NEK9: variants seen among roughly 807,000 people sequenced by gnomAD.
The protein encoded by NEK9 is serine/threonine-protein kinase Nek9.
NEK9 carries 75 observed loss-of-function variants against 123.4 expected under a neutral mutation model. That is an observed-to-expected ratio of 0.61 (90% CI 0.50 to 0.74). The LOEUF (loss-of-function observed/expected upper bound fraction) is 0.74. Ranked by LOEUF, NEK9 falls within the 30% of genes least tolerant of loss-of-function variation. NEK9 has a pLI of 0.00. For synonymous variants in NEK9, 438 were observed against 458.7 expected (o/e 0.95, Z 0.58); for missense variants, 952 against 1,214.4 (o/e 0.78, Z 3.21).
At position 75,080,452 on chromosome 14, in the gene NEK9, AGAC is replaced by A. The variant is rs1239064285; in HGVS notation, c.*4109_*4111del. ...ATCTGAATTTCTTCCTGGATAGCTC[AGAC>A]GATGACAGTAAATGCATGCTGCTTC... On this transcript the variant is annotated 3_prime_UTR_variant, in exon 22 of 22. Transcript: ENST00000238616. 1.3e-5 allele frequency: 2 copies of A among 152,120 alleles called. No homozygotes were observed. Among genetic ancestry groups the A allele is most frequent in the African/African-American group, 2.4e-5 (1 of 41,432 alleles). 9.4% of individuals were successfully genotyped at this position (152,120 alleles called of 1,614,324 possible). A position where few individuals can be genotyped will look rare whatever the true frequency, so the allele number is the denominator to read the frequency against.
rs567385202 is a variant in NEK9, at chr14:75,124,116, G to A, written c.327C>T (p.Asp109=). 1 of 1,614,018 alleles carries A rather than the reference G, an allele frequency of 6.2e-7. No individual in the cohort carries two copies. Among genetic ancestry groups the A allele is most frequent in the Non-Finnish European group, 8.5e-7 (1 of 1,179,918 alleles). ...EIVILALLQH[D]NIIAYYNHFM... ...AGTGATTGTAGTAGGCAATAATGTT[G>A]TCGTGCTGCAGCAGTGCCAGAATAA... The change falls in exon 2 of 22, where the codon GAC becomes GAT. Residue 109 remains aspartate (D), a synonymous_variant. Transcript: ENST00000238616.
rs1895319494 is a variant in NEK9, at chr14:75,121,138, T to C, written c.434A>G (p.Asp145Gly). 1.2e-6 allele frequency: 2 copies of C among 1,613,342 alleles called. No homozygotes were observed. Among genetic ancestry groups the C allele is most frequent in the Non-Finnish European group, 1.7e-6 (2 of 1,179,376 alleles). ...NLYDKILRQK[D>G]KLFEEEMVVW... is the part of the protein sequence containing the mutation. ...AATTACCTCTTCCTCAAACAACTTG[T>C]CCTTCTGACGAAGGATTTTGTCATA... Residue 145 changes from aspartate (D) to glycine (G), a missense_variant, in exon 3 of 22, where the codon GAC (aspartate) becomes GGC (glycine). Asp to Gly is a moderately conservative substitution (Grantham distance 94). This residue lies in a region of NEK9 where 106 missense variants were observed against 153.0 expected (regional missense o/e 0.69). Coordinates refer to ENST00000238616, the MANE Select transcript of NEK9 (RefSeq NM_033116.6).
At chr14:75,091,777 T>A in intron 18 of NEK9, 1 of 257,124 alleles carries the variant, frequency 3.9e-6, no homozygotes, top group Non-Finnish European at 7.3e-6. Context: ...TACCAAACAA[T>A]CCCCCCAACC....
At chr14:75,114,836 A>G (rs528846451) in intron 6 of NEK9, among the ~76,000 whole-genome samples, 2 of 152,222 alleles carry the variant, frequency 1.3e-5, no homozygotes, top group South Asian at 4.2e-4. Context: ...TAGCCTCACT[A>G]ACACCATTCA....
chr14:75,118,938 G>T lies in NEK9; in HGVS notation c.525-3C>A. On this transcript the variant is annotated splice_region_variant and splice_polypyrimidine_tract_variant and intron_variant, in intron 4 of 21. Transcript: ENST00000238616. ...AAATATTTAATGTCTTTATATCTCT[G>T]AAAAAAAAAGATGCTGCAAATTAAG... 2.2e-6 allele frequency: 3 copies of T among 1,346,280 alleles called. No individual in the cohort carries two copies. Among genetic ancestry groups the T allele is most frequent in the Non-Finnish European group, 2.1e-6 (2 of 951,118 alleles). The allele number at this position is 1,346,280 out of a possible 1,614,324, so 83.4% of individuals were successfully genotyped here. A position where few individuals can be genotyped will look rare whatever the true frequency, so the allele number is the denominator to read the frequency against.
At chr14:75,123,978 C>A in intron 2 of NEK9, 68 bp downstream of exon 2, 1 of 1,312,066 alleles carries the variant, frequency 7.6e-7, no homozygotes, top group Non-Finnish European at 1.1e-6. Flanking sequence ...TTCTTATATT[C>A]TTCTCCTCAA....
intron 5 of NEK9, 40 bp from the exon 6 acceptor site, chr14:75,117,366 T>G: frequency 6.3e-7 from 1 of 1,578,046 alleles, no homozygotes; most frequent in South Asian, 1.2e-5. Context: ...ACTTCTTTTC[T>G]GAGGTAACTA....
At chr14:75,106,968 T>C (rs1307974345) in intron 11 of NEK9, among the ~76,000 whole-genome samples, 1 of 152,166 alleles carries the variant, frequency 6.6e-6, no homozygotes, top group Non-Finnish European at 1.5e-5. Context: ...CCATCTTTGT[T>C]ATATAGATAA....
intron 15 of NEK9, 135 bp from the exon 16 acceptor site, chr14:75,101,288 G>C: frequency 1.1e-6 from 1 of 937,432 alleles, no homozygotes; most frequent in South Asian, 1.7e-5. Flanking sequence ...CATGATCCTG[G>C]ACCTAGGACA....
Position 75,126,875 on chromosome 14 carries a change from G to A in NEK9, c.47C>T (p.Ser16Leu), listed in dbSNP as rs1283146563. 3 of 1,525,584 alleles carry A rather than the reference G, an allele frequency of 2.0e-6. No individual in the cohort carries two copies. Among genetic ancestry groups the A allele is most frequent in the Non-Finnish European group, 2.6e-6 (3 of 1,136,020 alleles). The allele number at this position is 1,525,584 out of a possible 1,614,324, so 94.5% of individuals were successfully genotyped here. A position where few individuals can be genotyped will look rare whatever the true frequency, so the allele number is the denominator to read the frequency against. ...EYERHCDSIN[S>L]DFGSESGGCG... is the part of the protein sequence containing the mutation. ...ACCCCCGGACTCGCTCCCAAAGTCCGAGTTGATGGAATCGCAGTGTCGCTC... is the reference window on the plus strand; with the variant it reads ...ACCCCCGGACTCGCTCCCAAAGTCCAAGTTGATGGAATCGCAGTGTCGCTC... The change falls in exon 1 of 22, where the codon TCG becomes TTG. Residue 16 changes from serine to leucine, a missense_variant. Physicochemically the swap from Ser to Leu is moderately radical, Grantham distance 145 (BLOSUM62 -2). Transcript: ENST00000238616.
At chr14:75,119,500 A>G (rs1192277047) in intron 4 of NEK9, among the ~76,000 whole-genome samples, 1 of 152,218 alleles carries the variant, frequency 6.6e-6, no homozygotes, top group Non-Finnish European at 1.5e-5. Flanking sequence ...TATCTCCCAT[A>G]CTACTGAAGC....
intron 13 of NEK9, 99 bp from the exon 14 acceptor site, chr14:75,104,096 G>A: frequency 1.6e-6 from 2 of 1,240,602 alleles, no homozygotes; most frequent in South Asian, 3.0e-5. Flanking sequence ...GCATTTAGCA[G>A]AATGACTACA....
At chr14:75,115,310 T>A (rs886741385) in intron 6 of NEK9, among the ~76,000 whole-genome samples, 1 of 152,084 alleles carries the variant, frequency 6.6e-6, no homozygotes, top group African/African-American at 2.4e-5. Flanking sequence ...AGAGACAGGG[T>A]TTCACCATGT....
intron 11 of NEK9, among the ~76,000 whole-genome samples, 188 bp downstream of exon 11, chr14:75,107,155 C>A (rs1357767831): frequency 6.6e-6 from 1 of 152,054 alleles, no homozygotes; most frequent in African/African-American, 2.4e-5. Flanking sequence ...CACCTGTCTT[C>A]TCCTTGCTCA....
At chr14:75,120,094 T>C (rs895677178) in intron 4 of NEK9, among the ~76,000 whole-genome samples, 1 of 152,216 alleles carries the variant, frequency 6.6e-6, no homozygotes, top group Non-Finnish European at 1.5e-5. Context: ...AAAGATCTGG[T>C]AAATTTGTAC....
intron 8 of NEK9, 22 bp from the exon 9 acceptor site, chr14:75,110,393 T>C: frequency 6.3e-7 from 1 of 1,594,276 alleles, no homozygotes; most frequent in Non-Finnish European, 8.6e-7. Flanking sequence ...AAAGCAAAGA[T>C]ACATGAGTGA....
Position 75,097,266 on chromosome 14 carries a change from A to C in NEK9, c.2007T>G (p.Asn669Lys). The C allele has an allele frequency of 3.8e-6, 6 of 1,594,854 alleles. No individual in the cohort carries two copies. The highest frequency in any genetic ancestry group is 5.1e-6 in the Non-Finnish European group (6 of 1,171,008). The change falls in exon 17 of 22, where the codon AAT becomes AAG. Residue 669 changes from asparagine to lysine, a missense_variant. Physicochemically the swap from Asn to Lys is moderately conservative, Grantham distance 94. This residue lies in a region of NEK9 where 698 missense variants were observed against 875.6 expected (regional missense o/e 0.80). Coordinates refer to ENST00000238616, the MANE Select transcript of NEK9 (RefSeq NM_033116.6). Reference protein sequence around the residue: ...DEFTIAATDDNHIFAWGNGGN... With the variant: ...DEFTIAATDDKHIFAWGNGGN... Reference sequence around the variant, plus strand: ...CACCATTGCCCCAGGCAAAAATGTGATTATCTAGGAAAAAAGTTAAACAGT... The same window carrying C: ...CACCATTGCCCCAGGCAAAAATGTGCTTATCTAGGAAAAAAGTTAAACAGT...
In NEK9 at chr14:75,114,735, G is replaced by T. The variant is rs1895072663; in HGVS notation, c.763-422C>A. Among the ~76,000 whole-genome samples, 4 of 152,092 alleles carry T rather than the reference G, an allele frequency of 2.6e-5. No individual in the cohort carries two copies. The South Asian group carries it at 8.3e-4, about 31-fold the overall frequency. ...GATAAGGCAGTAATAATAATAAGAT[G>T]ATAATACTAACAATATTATGGTAAT... On this transcript the variant is annotated intron_variant, in intron 6 of 21. Coordinates refer to ENST00000238616, the MANE Select transcript of NEK9 (RefSeq NM_033116.6).
chr14:75,117,866 G>A (rs1226581838), intron 5 of NEK9, among the ~76,000 whole-genome samples: 1 of 152,146 alleles, frequency 6.6e-6, no homozygotes, highest in African/African-American at 2.4e-5. Flanking sequence ...AAATAAAAAT[G>A]TCCTAAGAAG....
Sources: gnomAD v4.1 joint callset for allele counts (sites outside exome capture counted in the v4.1 genomes callset) on GRCh38, gnomAD v4.1.1 for gene constraint, gnomAD v4.1.1 regional missense constraint, MANE v1.5 for transcripts, NCBI Gene and HGNC (gene_info 2026-07-23, HGNC 2026-07-21) for gene names.